BIK: variants seen among roughly 807,000 people sequenced by gnomAD.
BIK encodes BCL2 interacting killer, also known as bcl-2-interacting killer.
BIK carries 14 observed loss-of-function variants against 12.1 expected under a neutral mutation model. That is an observed-to-expected ratio of 1.16 (90% CI 0.77 to 1.81). The LOEUF (loss-of-function observed/expected upper bound fraction) is 1.81. BIK is among the 40% of genes most tolerant of loss of function. The probability of loss-of-function intolerance (pLI) is 0.00; values close to 1 mark genes in which losing one functional copy is unlikely to be tolerated. For synonymous variants in BIK, 86 were observed against 92.3 expected, an observed-to-expected ratio of 0.93 and a Z score of 0.39; for missense variants, 215 against 207.9, an observed-to-expected ratio of 1.03 and a Z score of -0.21.
rs150613936 is a variant in BIK, at chr22:43,122,623, C to G, written c.-7-1393C>G. ...ATGATGGTGAATCAGGTCGCAGAAC[C>G]CTTCTCTGCCATCATGATGAAACAT... On this transcript the variant is annotated intron_variant, in intron 1 of 4. Transcript: ENST00000216115. Among the ~76,000 whole-genome samples the G allele has an allele frequency of 4.8e-4, 73 of 152,256 alleles. 1 individual carries two copies. In the East Asian group the frequency reaches 0.011, roughly 22 times the overall value.
chr22:43,123,664 T>C (rs576892073), intron 1 of BIK, among the ~76,000 whole-genome samples: 1 of 152,130 alleles, frequency 6.6e-6, no homozygotes, highest in Non-Finnish European at 1.5e-5. Context: ...GGCAGGAGAA[T>C]TGCTTGAACC....
chr22:43,126,421 G>T (rs6003067), intron 2 of BIK, among the ~76,000 whole-genome samples: 1 of 151,776 alleles, frequency 6.6e-6, no homozygotes. Context: ...TCCTGACCTC[G>T]TGATCTGCCT....
chr22:43,129,516 C>G lies in BIK; in HGVS notation c.*211C>G. 1 of 807,918 alleles carries G rather than the reference C, an allele frequency of 1.2e-6. No individual in the cohort carries two copies. The allele number at this position is 807,918 out of a possible 1,614,324, so 50.0% of individuals were successfully genotyped here. A position where few individuals can be genotyped will look rare whatever the true frequency, so the allele number is the denominator to read the frequency against. On this transcript the variant is annotated 3_prime_UTR_variant, in exon 5 of 5. Transcript: ENST00000216115. ...TTCGTTTTTTCTAAAAGATGAATTC[C>G]TATGGCTCTGCAATTGTCACCGGTT... is the stretch of plus-strand genomic sequence containing the variant.
At chr22:43,128,763 T>C (rs1930375417) in intron 4 of BIK, 138 bp downstream of exon 4, 1 of 1,288,018 alleles carries the variant, frequency 7.8e-7, no homozygotes, top group African/African-American at 1.5e-5. Flanking sequence ...CCTGATCCCA[T>C]GGGCTTTTGG....
At chr22:43,111,254 T>C (rs1370758721) in intron 1 of BIK, among the ~76,000 whole-genome samples, 5 of 152,132 alleles carry the variant, frequency 3.3e-5, no homozygotes, top group Non-Finnish European at 7.4e-5. Context: ...AGAGGGAAGA[T>C]GGCGTCGTGC....
chr22:43,114,181 G>T (rs1457366518), intron 1 of BIK, among the ~76,000 whole-genome samples: 1 of 152,164 alleles, frequency 6.6e-6, no homozygotes, highest in African/African-American at 2.4e-5. Flanking sequence ...GTTTTTCTGG[G>T]GGTGGGACAG....
At chr22:43,128,939 C>G (rs116322903) in intron 4 of BIK, among the ~76,000 whole-genome samples, 1 of 152,234 alleles carries the variant, frequency 6.6e-6, no homozygotes, top group Admixed American at 6.5e-5. Context: ...CACTCGGCAC[C>G]GCCCACCACA....
At chr22:43,117,673 A>T (rs2179215) in intron 1 of BIK, among the ~76,000 whole-genome samples, 26,922 of 129,658 alleles carry the variant, frequency 0.21, 2,961 homozygotes, top group African/African-American at 0.35. Flanking sequence ...CCCGGCCCAT[A>T]TTTTTTTTTT....
intron 1 of BIK, among the ~76,000 whole-genome samples, chr22:43,121,853 C>A (rs548089271): frequency 6.6e-6 from 1 of 152,182 alleles, no homozygotes; most frequent in Non-Finnish European, 1.5e-5. Context: ...CTCTGCCTCC[C>A]AGGTTCAAGC....
intron 1 of BIK, among the ~76,000 whole-genome samples, chr22:43,111,653 G>A (rs923145048): frequency 3.3e-5 from 5 of 152,214 alleles, no homozygotes; most frequent in African/African-American, 1.2e-4. Context: ...CACTCGTGGG[G>A]TAGGACGTGG....
rs1353332530 is a variant in BIK, at chr22:43,127,677, C to T, written c.162-20C>T. 1 of 1,543,424 alleles carries T rather than the reference C, an allele frequency of 6.5e-7. No individual in the cohort carries two copies. The highest frequency in any genetic ancestry group is 1.4e-5 in the African/African-American group (1 of 73,044). On this transcript the variant is annotated intron_variant, in intron 2 of 4. Coordinates refer to ENST00000216115, the MANE Select transcript of BIK (RefSeq NM_001197.5). Reference sequence around the variant, plus strand: ...CTCCACGGCACAGCCACACCCGACTCCTGTGTGTGCTCCCTGCAGTGACGC... The same window carrying T: ...CTCCACGGCACAGCCACACCCGACTTCTGTGTGTGCTCCCTGCAGTGACGC...
intron 2 of BIK, 113 bp from the exon 3 acceptor site, chr22:43,127,584 C>T (rs1930342020): frequency 1.1e-6 from 1 of 932,118 alleles, no homozygotes; most frequent in Non-Finnish European, 1.6e-6. Flanking sequence ...CTGACACCAT[C>T]TCTTATCCTC....
At chr22:43,127,993 C>T (rs969508845) in intron 3 of BIK, among the ~76,000 whole-genome samples, 198 bp downstream of exon 3, 4 of 152,190 alleles carry the variant, frequency 2.6e-5, no homozygotes, top group African/African-American at 9.7e-5. Context: ...CGCCCCCTGC[C>T]ACCTGTCCCT....
intron 3 of BIK, among the ~76,000 whole-genome samples, chr22:43,128,086 G>A (rs1188466162): frequency 2.0e-5 from 3 of 152,060 alleles, no homozygotes; most frequent in Non-Finnish European, 4.4e-5. Context: ...CATTTCCACC[G>A]TGGTCTTAAG....
chr22:43,118,059 G>A (rs1374439323), intron 1 of BIK, among the ~76,000 whole-genome samples: 1 of 152,108 alleles, frequency 6.6e-6, no homozygotes, highest in African/African-American at 2.4e-5. Context: ...TCTTGAACTG[G>A]GCTCGTGCGA....
Position 43,127,713 on chromosome 22 carries a change from C to T in BIK, c.178C>T (p.Arg60Trp), listed in dbSNP as rs1006811923. The change falls in exon 3 of 5, where the codon CGG (arginine) becomes TGG (tryptophan). Residue 60 changes from arginine to tryptophan, a missense_variant. By Grantham distance (101) the Arg-to-Trp change is moderately radical (BLOSUM62 -3). Coordinates refer to ENST00000216115, the MANE Select transcript of BIK (RefSeq NM_001197.5). ...CMEGSDALAL[R>W]LACIGDEMDV... Reference sequence around the variant, plus strand: ...TCCCTGCAGTGACGCATTGGCCCTGCGGCTGGCCTGCATCGGGGACGAGAT... The same window carrying T: ...TCCCTGCAGTGACGCATTGGCCCTGTGGCTGGCCTGCATCGGGGACGAGAT... 31 of 1,555,014 alleles carry T rather than the reference C, an allele frequency of 2.0e-5. No individual in the cohort carries two copies. The highest frequency in any genetic ancestry group is 1.5e-4 in the African/African-American group (11 of 73,402).
rs1930389514 is a variant in BIK at position 43,129,252 on chromosome 22, C to T, written c.430C>T (p.Leu144=). 3.8e-6 allele frequency: 6 copies of T among 1,598,940 alleles called. No homozygotes were observed. The South Asian group carries it at 5.5e-5, about 15-fold the overall frequency. Residue 144 remains leucine, a synonymous_variant, in exon 5 of 5, where the codon CTG becomes TTG. Transcript: ENST00000216115. The stretch of plus-strand genomic sequence containing the variant: ...GGTGCTGCTGGCGCTGCTGCTGCTG[C>T]TGGCGCTGCTGCTGCCGCTGCTCAG... ...EQVLLALLLL[L]ALLLPLLSGG...
intron 1 of BIK, among the ~76,000 whole-genome samples, chr22:43,115,244 C>A (rs928239402): frequency 6.6e-6 from 1 of 152,040 alleles, no homozygotes; most frequent in Admixed American, 6.6e-5. Flanking sequence ...TGTGCCTGAG[C>A]CCCAAGGAAG....
intron 2 of BIK, among the ~76,000 whole-genome samples, chr22:43,127,385 C>T (rs1265375335): frequency 3.3e-5 from 5 of 152,190 alleles, no homozygotes; most frequent in African/African-American, 4.8e-5. Flanking sequence ...GGCTCAGCAC[C>T]CCCAGACCTG....
Sources: allele counts gnomAD v4.1 joint callset (sites outside exome capture counted in the v4.1 genomes callset), GRCh38; gene constraint gnomAD v4.1.1; transcripts MANE v1.5; gene names NCBI Gene and HGNC (gene_info 2026-07-23, HGNC 2026-07-21).